MTREX: variants seen among roughly 807,000 people sequenced by gnomAD.
MTREX encodes Mtr4 exosome RNA helicase.
A neutral mutation model predicts 135.4 loss-of-function variants in MTREX; 76 were observed. That is an observed-to-expected ratio of 0.56 (90% CI 0.47 to 0.68). The LOEUF (loss-of-function observed/expected upper bound fraction) is 0.68. MTREX is among the 30% of genes least tolerant of loss of function. MTREX has a pLI of 0.00. For synonymous variants in MTREX, 404 were observed against 401.6 expected, an observed-to-expected ratio of 1.01 and a Z score of -0.07; for missense variants, 920 against 1,262.1, an observed-to-expected ratio of 0.73 and a Z score of 4.11.
In MTREX at chr5:55,425,455, T is replaced by G. The variant is rs1273906185; in HGVS notation, c.*683T>G. On this transcript the variant is annotated 3_prime_UTR_variant, in exon 27 of 27. Transcript: ENST00000230640. ...AGGATATACTTTGAGGTGTACAGAT[T>G]AAGCATATAAAAAATTAGAGACTAA... 8 of 908,856 alleles carry G rather than the reference T, an allele frequency of 8.8e-6. No individual in the cohort carries two copies. The highest frequency in any genetic ancestry group is 1.1e-5 in the Non-Finnish European group (7 of 641,534). The allele number at this position is 908,856 out of a possible 1,614,324, so 56.3% of individuals were successfully genotyped here.
At chr5:55,324,030 G>T in intron 2 of MTREX, 102 bp from the exon 3 acceptor site, 1 of 794,304 alleles carries the variant, frequency 1.3e-6, no homozygotes, top group South Asian at 1.6e-5. Context: ...GAATACTGAT[G>T]ATTGGACAGT....
intron 2 of MTREX, among the ~76,000 whole-genome samples, chr5:55,323,719 C>T (rs1749325586): frequency 1.3e-5 from 2 of 152,136 alleles, no homozygotes; most frequent in Admixed American, 1.3e-4. Context: ...TGTGCCTGGC[C>T]AGGAACACTT....
intron 21 of MTREX, among the ~76,000 whole-genome samples, chr5:55,404,633 A>G (rs1750772993): frequency 6.6e-6 from 1 of 152,074 alleles, no homozygotes; most frequent in Non-Finnish European, 1.5e-5. Flanking sequence ...ACCGTGATTA[A>G]TTGTCTAGTG....
chr5:55,362,919 TTTGAGTAAATG>T (rs1437739581), intron 15 of MTREX, among the ~76,000 whole-genome samples: 3 of 152,210 alleles, frequency 2.0e-5, no homozygotes, highest in Admixed American at 6.5e-5. Context: ...ATCACAGTAC[TTTGAGTAAATG>T]TTATTATTGG....
intron 18 of MTREX, among the ~76,000 whole-genome samples, chr5:55,381,061 A>G (rs956148286): frequency 1.3e-5 from 2 of 152,106 alleles, no homozygotes; most frequent in African/African-American, 2.4e-5. Flanking sequence ...TTATTGATAT[A>G]CAGTTATTCG....
intron 23 of MTREX, among the ~76,000 whole-genome samples, chr5:55,413,367 T>C (rs970918250): frequency 6.6e-6 from 1 of 152,002 alleles, no homozygotes. Context: ...CATAATTACT[T>C]TAATTAAACC....
intron 25 of MTREX, among the ~76,000 whole-genome samples, chr5:55,421,466 C>G (rs926303781): frequency 2.6e-5 from 4 of 152,190 alleles, no homozygotes; most frequent in African/African-American, 9.7e-5. Flanking sequence ...ACTAAAGTTT[C>G]CAGAAATTGA....
intron 14 of MTREX, among the ~76,000 whole-genome samples, chr5:55,355,550 T>G (rs1466412081): frequency 2.0e-5 from 3 of 152,160 alleles, no homozygotes; most frequent in African/African-American, 7.2e-5. Context: ...CCAGGGACCC[T>G]CTCATAGTCA....
chr5:55,400,913 A>G (rs1376622215), intron 21 of MTREX, among the ~76,000 whole-genome samples: 1 of 152,106 alleles, frequency 6.6e-6, no homozygotes, highest in African/African-American at 2.4e-5. Context: ...GAATCATGTA[A>G]TATATGATGT....
At chr5:55,339,088 G>A (rs940059173) in intron 5 of MTREX, among the ~76,000 whole-genome samples, 4 of 152,094 alleles carry the variant, frequency 2.6e-5, no homozygotes, top group Middle Eastern at 3.4e-3. Flanking sequence ...CACTGCGCCC[G>A]GCCTAATCTG....
At chr5:55,375,353 CA>C (rs1416804224) in intron 16 of MTREX, among the ~76,000 whole-genome samples, 1 of 152,130 alleles carries the variant, frequency 6.6e-6, no homozygotes, top group Non-Finnish European at 1.5e-5. Context: ...AGGTACGCCC[CA>C]GGGGGGACAG....
intron 15 of MTREX, among the ~76,000 whole-genome samples, chr5:55,359,817 C>T (rs1749980017): frequency 6.6e-6 from 1 of 152,138 alleles, no homozygotes; most frequent in Admixed American, 6.5e-5. Context: ...TTAATGACAG[C>T]ATCTGGTTCC....
chr5:55,328,805 G>C lies in MTREX; in HGVS notation c.509G>C (p.Cys170Ser). 6.3e-7 allele frequency: 1 copy of C among 1,587,266 alleles called. No individual in the cohort carries two copies. The change falls in exon 5 of 27, where the codon TGC becomes TCC. Residue 170 changes from cysteine (C) to serine (S), a missense_variant. Physicochemically the swap from Cys to Ser is moderately radical, Grantham distance 112 (BLOSUM62 -1). Coordinates refer to ENST00000230640, the MANE Select transcript of MTREX (RefSeq NM_015360.5). Reference protein sequence around the residue: ...SAHTSAGKTVCAEYAIALALR... With the variant: ...SAHTSAGKTVSAEYAIALALR... ...CATACCTCAGCGGGAAAAACAGTAT[G>C]CGCCGAGTGAGTAGCTTCCTTTTTA...
rs200680126 is a variant in MTREX, at chr5:55,397,411, C to T, written c.2182-5C>T. ...CTGTAATACTGTATAACTTTTTGGT[C>T]ATAGGTTGTCCCAGTTTTGGTGCAT... On this transcript the variant is annotated splice_polypyrimidine_tract_variant and splice_region_variant and intron_variant, in intron 19 of 26. Coordinates refer to ENST00000230640, the MANE Select transcript of MTREX (RefSeq NM_015360.5). The T allele has an allele frequency of 1.3e-4, 203 of 1,599,156 alleles. No homozygotes were observed. The highest frequency in any genetic ancestry group is 1.7e-4 in the Non-Finnish European group (195 of 1,169,578).
At chr5:55,361,737 C>T (rs1343549930) in intron 15 of MTREX, among the ~76,000 whole-genome samples, 2 of 150,292 alleles carry the variant, frequency 1.3e-5, no homozygotes, top group African/African-American at 2.5e-5. Context: ...GGATTACAGG[C>T]GTGAGCCACT....
At chr5:55,320,462 C>T (rs1749270930) in intron 1 of MTREX, among the ~76,000 whole-genome samples, 1 of 152,060 alleles carries the variant, frequency 6.6e-6, no homozygotes, top group African/African-American at 2.4e-5. Context: ...CGTGATCTGC[C>T]CGCCTTGGCC....
At chr5:55,363,109 A>T (rs577789971) in intron 15 of MTREX, among the ~76,000 whole-genome samples, 10 of 152,276 alleles carry the variant, frequency 6.6e-5, no homozygotes, top group African/African-American at 2.2e-4. Flanking sequence ...AATAATTTTG[A>T]CCTTACTGGT....
intron 25 of MTREX, among the ~76,000 whole-genome samples, chr5:55,417,159 C>CT (rs1750978506): frequency 6.6e-6 from 1 of 152,100 alleles, no homozygotes; most frequent in Admixed American, 6.5e-5. Flanking sequence ...TTATAAACTT[C>CT]TCAGCCTCCT....
At chr5:55,377,282 A>G (rs557412417) in intron 16 of MTREX, among the ~76,000 whole-genome samples, 1,961 of 152,238 alleles carry the variant, frequency 0.013, 17 homozygotes, top group Admixed American at 0.037. Flanking sequence ...AGCCGAGATC[A>G]CGCCACTGCA....
Sources: allele counts gnomAD v4.1 joint callset (sites outside exome capture counted in the v4.1 genomes callset), GRCh38; gene constraint gnomAD v4.1.1; transcripts MANE v1.5; gene names NCBI Gene and HGNC (gene_info 2026-07-23, HGNC 2026-07-21).